RAG1: variants seen among roughly 807,000 people sequenced by gnomAD.
RAG1 encodes V(D)J recombination-activating protein 1.
Under a neutral mutation model 62.7 loss-of-function variants are expected in RAG1, and 35 were observed. The observed-to-expected ratio is 0.56, with a 90% CI of 0.43 to 0.74. RAG1 has a LOEUF of 0.74. Among genes scored for constraint, RAG1 ranks in the 30% least tolerant of loss-of-function variants. The probability of loss-of-function intolerance (pLI) is 0.00; values close to 1 mark genes in which losing one functional copy is unlikely to be tolerated. For missense variants in RAG1, 1,169 were observed against 1,278.6 expected (o/e 0.91, Z 1.31); for synonymous variants, 461 against 470.3 (o/e 0.98, Z 0.26).
downstream of RAG1, among the ~76,000 whole-genome samples, chr11:36,539,511 G>A (rs1046064268): frequency 3.3e-5 from 5 of 152,180 alleles, no homozygotes; most frequent in African/African-American, 9.7e-5. Context: ...TCGAGACAGA[G>A]TCTTGCTCTG....
chr11:36,568,342 A>G (rs1298237265), intron 1 of RAG1, among the ~76,000 whole-genome samples: 1 of 152,208 alleles, frequency 6.6e-6, no homozygotes, highest in African/African-American at 2.4e-5. Context: ...CTGAATTACT[A>G]TAAATGAATG....
At chr11:36,572,901 C>T (rs1224718303) in intron 1 of RAG1, among the ~76,000 whole-genome samples, 55 of 152,274 alleles carry the variant, frequency 3.6e-4, no homozygotes, top group Non-Finnish European at 7.4e-5. Context: ...TATTACTTTT[C>T]TTTGATTTTA....
intron 1 of RAG1, among the ~76,000 whole-genome samples, chr11:36,519,302 C>G (rs1860042499): frequency 6.6e-6 from 1 of 151,954 alleles, no homozygotes; most frequent in African/African-American, 2.4e-5. Context: ...AGAGAAGTGC[C>G]AAAAATCGTA....
At chr11:36,536,175 A>T (rs1444734138), downstream of RAG1, 7 of 152,236 alleles carry the variant, frequency 4.6e-5, no homozygotes, top group Non-Finnish European at 1.0e-4. Flanking sequence ...AATTGTAAAC[A>T]ACTTAAAAAA....
chr11:36,510,959 A>G (rs1028185822), exon 1 of RAG1: 3 of 152,184 alleles, frequency 2.0e-5, no homozygotes, highest in Non-Finnish European at 2.9e-5. Context: ...GTTTTCCAGG[A>G]TAGTAGTCAT....
chr11:36,557,381 C>T (rs1200380230), intron 3 of RAG1, among the ~76,000 whole-genome samples: 2 of 128,976 alleles, frequency 1.6e-5, no homozygotes, highest in Non-Finnish European at 1.6e-5. Context: ...TTTCCAGGTG[C>T]GTCCGTCACC....
rs2227973 is a variant in RAG1, at chr11:36,575,763, A to G, written c.2459A>G (p.Lys820Arg). The change falls in exon 2 of 2, where the codon AAG becomes AGG. Residue 820 changes from lysine (K) to arginine (R), a missense_variant. Around this residue, in one of 2 missense-constraint regions of RAG1, gnomAD observed 800 missense variants for 943.3 expected, o/e 0.85. Transcript: ENST00000299440. The surrounding 1 kb of genome is among the most constrained non-coding windows in gnomAD (Gnocchi z 4.1). ...CAGCTAGAGATAGGGGAAGTGTATA[A>G]GAATCCCAATGCTTCCAAAGAGGAA... ...IFQLEIGEVY[K>R]NPNASKEERK... The G allele has an allele frequency of 0.14, 220,076 of 1,614,118 alleles. 22,786 individuals are homozygous for G. Among genetic ancestry groups the G allele is most frequent in the East Asian group, 0.59 (26,338 of 44,862 alleles).
In RAG1 at chr11:36,529,481, A is replaced by G. The variant is rs556944848; in HGVS notation, n.429-6478A>G. ...AAAATTCTCAATAAACTAGGTATTG[A>G]TGGAACGTATCTCAAAATAATAAGA... is the stretch of plus-strand genomic sequence containing the variant. On this transcript the variant is annotated intron_variant and non_coding_transcript_variant, in intron 2 of 2. Coordinates refer to the RAG1 transcript ENST00000529126. 3.3e-4 allele frequency among the ~76,000 whole-genome samples: 50 copies of G among 152,340 alleles called. 1 individual carries two copies. The highest frequency in any genetic ancestry group is 3.3e-3 in the Admixed American group (50 of 15,296).
intron 2 of RAG1, among the ~76,000 whole-genome samples, chr11:36,521,008 A>G (rs567560983): frequency 1.4e-5 from 2 of 139,670 alleles, no homozygotes; most frequent in South Asian, 2.2e-4. Context: ...TGCCCAGGCT[A>G]GAGTGCCATG....
chr11:36,560,439 T>C (rs966169167), intron 3 of RAG1, among the ~76,000 whole-genome samples: 1 of 152,160 alleles, frequency 6.6e-6, no homozygotes, highest in South Asian at 2.1e-4. Flanking sequence ...AGATGGAGTC[T>C]TGGATTCCTG....
intron 1 of RAG1, among the ~76,000 whole-genome samples, chr11:36,517,391 G>A (rs948772463): frequency 1.3e-5 from 2 of 152,170 alleles, no homozygotes. Flanking sequence ...ACAACTAAAT[G>A]CAAATGTTTT....
At chr11:36,562,285 A>C (rs1466395605) in intron 3 of RAG1, among the ~76,000 whole-genome samples, 1 of 152,198 alleles carries the variant, frequency 6.6e-6, no homozygotes. Context: ...CTGTAAGAGG[A>C]GTGGATTTTG....
At chr11:36,529,394 A>G (rs1490259880) in intron 2 of RAG1, among the ~76,000 whole-genome samples, 1 of 152,206 alleles carries the variant, frequency 6.6e-6, no homozygotes, top group Admixed American at 6.5e-5. Context: ...GACAAAAACC[A>G]CATGATTATG....
rs1207748738 is a variant in RAG1 at position 36,575,989 on chromosome 11, A to G, written c.2685A>G (p.Val895=). Residue 895 remains valine, a synonymous_variant, in exon 2 of 2, where the codon GTA becomes GTG. Coordinates refer to ENST00000299440, the MANE Select transcript of RAG1 (RefSeq NM_000448.3). The surrounding 1 kb of genome is among the most constrained non-coding windows in gnomAD (Gnocchi z 4.1). ...LMDLYLKMKP[V]WRSSCPAKEC... is the part of the protein sequence containing the mutation. ...ATCTTTACCTGAAGATGAAACCAGT[A>G]TGGCGATCATCATGCCCTGCTAAAG... is the stretch of plus-strand genomic sequence containing the variant. 3.1e-6 allele frequency: 5 copies of G among 1,614,102 alleles called. No homozygotes were observed. Among genetic ancestry groups the G allele is most frequent in the Non-Finnish European group, 4.2e-6 (5 of 1,180,050 alleles).
intron 2 of RAG1, among the ~76,000 whole-genome samples, chr11:36,529,747 TA>T (rs1487326072): frequency 6.6e-6 from 1 of 151,998 alleles, no homozygotes; most frequent in Non-Finnish European, 1.5e-5. Context: ...AAGAATTTTT[TA>T]TCTGTATTCA....
rs551615665 is a variant in RAG1 at position 36,534,792 on chromosome 11, A to T, written n.429-1167A>T. ...TTATTTAATTTTTAAGCCTTTAAAAATTTTCAGTTGTATGCCTATTTCATT... is the reference window on the plus strand; with the variant it reads ...TTATTTAATTTTTAAGCCTTTAAAATTTTTCAGTTGTATGCCTATTTCATT... On this transcript the variant is annotated intron_variant and non_coding_transcript_variant, in intron 2 of 2. Transcript: ENST00000529126. Among the ~76,000 whole-genome samples, 11 of 152,180 alleles carry T rather than the reference A, an allele frequency of 7.2e-5. No individual in the cohort carries two copies. The East Asian group carries it at 1.9e-3, about 27-fold the overall frequency.
chr11:36,565,344 G>A (rs1445636107), upstream of RAG1, among the ~76,000 whole-genome samples: 1 of 152,170 alleles, frequency 6.6e-6, no homozygotes, highest in Non-Finnish European at 1.5e-5. Context: ...GGAGCCAAGG[G>A]GAATAAGTGT....
intron 3 of RAG1, among the ~76,000 whole-genome samples, chr11:36,549,096 TC>T (rs1326380658): frequency 6.6e-6 from 1 of 152,178 alleles, no homozygotes; most frequent in Non-Finnish European, 1.5e-5. Flanking sequence ...CTGGACCCCT[TC>T]CTTACACCTT....
rs1278197225 is a variant in RAG1, at chr11:36,575,189, A to G, written c.1885A>G (p.Ile629Val). 1.9e-6 allele frequency: 3 copies of G among 1,614,156 alleles called. No homozygotes were observed. Among genetic ancestry groups the G allele is most frequent in the East Asian group, 2.2e-5 (1 of 44,876 alleles). ...AAAGGCAGTCCGTTTTTCATTCACA[A>G]TCATGAAAATTACTATTGCCCACAG... ...PEKAVRFSFTIMKITIAHSSQ... is the reference protein window; with the variant it reads ...PEKAVRFSFTVMKITIAHSSQ... Residue 629 changes from isoleucine to valine, a missense_variant, in exon 2 of 2, where the codon ATC (isoleucine) becomes GTC (valine). By Grantham distance (29) the Ile-to-Val change is conservative (BLOSUM62 3). This residue lies in a region of RAG1 where 800 missense variants were observed against 943.3 expected (regional missense o/e 0.85). Transcript: ENST00000299440. The surrounding 1 kb of genome is among the most constrained non-coding windows in gnomAD (Gnocchi z 4.1).
Sources: allele counts gnomAD v4.1 joint callset (sites outside exome capture counted in the v4.1 genomes callset), GRCh38; gene constraint gnomAD v4.1.1; regional missense constraint gnomAD v4.1.1; non-coding constraint Gnocchi (gnomAD v3.1); transcripts MANE v1.5; gene names NCBI Gene and HGNC (gene_info 2026-07-23, HGNC 2026-07-21).